Variants in DDAH1 observed in about 807,000 individuals in gnomAD.
DDAH1 encodes the protein dimethylarginine dimethylaminohydrolase 1, also known as N(G),N(G)-dimethylarginine dimethylaminohydrolase 1.
DDAH1 carries 19 observed loss-of-function variants against 28.8 expected under a neutral mutation model. That is an observed-to-expected ratio of 0.66 (90% confidence interval 0.46 to 0.97). The LOEUF is 0.97. DDAH1 is among the 50% of genes least tolerant of loss of function. DDAH1 has a pLI of 0.00. For missense variants in DDAH1, 326 were observed against 375.9 expected (o/e 0.87, Z 1.10); for synonymous variants, 153 against 154.4 (o/e 0.99, Z 0.07).
chr1:85,537,252 T>C (rs1325098646), intron 1 of DDAH1, among the ~76,000 whole-genome samples: 1 of 151,478 alleles, frequency 6.6e-6, no homozygotes, highest in African/African-American at 2.4e-5. Flanking sequence ...GAGGATCACT[T>C]GAGCCTGTGA....
At chr1:85,330,978 G>C (rs1389732528) in intron 4 of DDAH1, among the ~76,000 whole-genome samples, 1 of 152,236 alleles carries the variant, frequency 6.6e-6, no homozygotes, top group East Asian at 1.9e-4. Flanking sequence ...AAGGCACGCA[G>C]CTGTAGGGAG....
chr1:85,367,030 G>A (rs183081134), intron 1 of DDAH1, among the ~76,000 whole-genome samples: 2 of 151,932 alleles, frequency 1.3e-5, no homozygotes, highest in African/African-American at 4.8e-5. Flanking sequence ...ATGCAGTATA[G>A]TAGATTTCAT....
intron 1 of DDAH1, among the ~76,000 whole-genome samples, chr1:85,510,574 G>A (rs919604787): frequency 6.6e-6 from 1 of 152,112 alleles, no homozygotes; most frequent in African/African-American, 2.4e-5. Flanking sequence ...AAAGAGTCAA[G>A]ACCCATCAGG....
intron 1 of DDAH1, among the ~76,000 whole-genome samples, chr1:85,362,983 T>C (rs1306416946): frequency 6.6e-6 from 1 of 152,162 alleles, no homozygotes; most frequent in African/African-American, 2.4e-5. Flanking sequence ...CTCTCCCTAA[T>C]ATAAAACAAA....
At chr1:85,430,876 C>A (rs1183714581) in intron 1 of DDAH1, among the ~76,000 whole-genome samples, 2 of 152,026 alleles carry the variant, frequency 1.3e-5, no homozygotes. Context: ...ATTTGAATAC[C>A]CTTTATTTCT....
At chr1:85,389,613 A>G (rs1651444225) in intron 1 of DDAH1, among the ~76,000 whole-genome samples, 2 of 152,090 alleles carry the variant, frequency 1.3e-5, no homozygotes, top group South Asian at 2.1e-4. Flanking sequence ...TAGAGTCTCT[A>G]CTCTGATGTT....
At chr1:85,321,589 A>C (rs1485790715) in intron 5 of DDAH1, 21 bp from the exon 6 acceptor site, 8 of 1,537,748 alleles carry the variant, frequency 5.2e-6, no homozygotes, top group Admixed American at 1.7e-5. Context: ...AATCAAGGAA[A>C]AGGAAGAAAA....
intron 4 of DDAH1, among the ~76,000 whole-genome samples, chr1:85,339,555 A>G (rs1648340428): frequency 1.3e-5 from 2 of 152,214 alleles, no homozygotes; most frequent in African/African-American, 2.4e-5. Flanking sequence ...GGGCAATGGT[A>G]GTGGGATGGT....
chr1:85,473,770 AT>A (rs1309377698), intron 2 of DDAH1, among the ~76,000 whole-genome samples: 1 of 151,758 alleles, frequency 6.6e-6, no homozygotes, highest in East Asian at 1.9e-4. Flanking sequence ...GCTTTTCCTC[AT>A]TCTTTCCTTT....
intron 1 of DDAH1, among the ~76,000 whole-genome samples, chr1:85,561,949 G>T (rs567815218): frequency 6.6e-6 from 1 of 152,274 alleles, no homozygotes; most frequent in South Asian, 2.1e-4. Context: ...TTCTTTCTAA[G>T]AAGAATTTGC....
chr1:85,525,743 G>A (rs1413906817), intron 1 of DDAH1, among the ~76,000 whole-genome samples: 1 of 152,062 alleles, frequency 6.6e-6, no homozygotes, highest in Non-Finnish European at 1.5e-5. Context: ...ATGTGAACTA[G>A]GGGTCTATCC....
chr1:85,413,265 C>T (rs1377579049), intron 1 of DDAH1, among the ~76,000 whole-genome samples: 1 of 152,196 alleles, frequency 6.6e-6, no homozygotes, highest in Non-Finnish European at 1.5e-5. Flanking sequence ...GGATCCCAGT[C>T]CTATGAACCT....
Position 85,475,133 on chromosome 1 carries a change from T to C in DDAH1, c.-7+21033A>G, listed in dbSNP as rs1345493415. ...CCCTTTGCTCAAATGCTGGCTCCACTACTTACTATCTGTACAATCCTGGTC... is the reference window on the plus strand; with the variant it reads ...CCCTTTGCTCAAATGCTGGCTCCACCACTTACTATCTGTACAATCCTGGTC... On this transcript the variant is annotated intron_variant, in intron 2 of 6. Coordinates refer to the DDAH1 transcript ENST00000426972. Among the ~76,000 whole-genome samples, 8 of 152,254 alleles carry C rather than the reference T, an allele frequency of 5.3e-5. No individual in the cohort carries two copies. In the South Asian group the frequency reaches 1.7e-3, roughly 31 times the overall value.
intron 1 of DDAH1, among the ~76,000 whole-genome samples, chr1:85,451,870 T>C (rs760907419): frequency 9.2e-5 from 14 of 152,194 alleles, no homozygotes; most frequent in Non-Finnish European, 1.9e-4. Flanking sequence ...TATGGCCATT[T>C]TAATAAGTGG....
At position 85,559,577 on chromosome 1, in the gene DDAH1, T is replaced by C. The variant is rs1570674954; in HGVS notation, c.-123+18407A>G. The stretch of plus-strand genomic sequence containing the variant: ...TAGAAGGTAATACCATTAAAACAAC[T>C]ATTATAGCTATGTACTAGTATTTAA... On this transcript the variant is annotated intron_variant, in intron 1 of 6. Coordinates refer to the DDAH1 transcript ENST00000426972. Among the ~76,000 whole-genome samples, 4 of 152,298 alleles carry C rather than the reference T, an allele frequency of 2.6e-5. No individual in the cohort carries two copies. In the South Asian group the frequency reaches 8.3e-4, roughly 32 times the overall value.
chr1:85,491,862 G>A (rs1254861094), intron 2 of DDAH1, among the ~76,000 whole-genome samples: 2 of 152,112 alleles, frequency 1.3e-5, no homozygotes, highest in East Asian at 3.8e-4. Flanking sequence ...TCTGCAGTTT[G>A]CCTGTAATAA....
At chr1:85,520,766 A>G (rs1433859040) in intron 1 of DDAH1, among the ~76,000 whole-genome samples, 1 of 152,228 alleles carries the variant, frequency 6.6e-6, no homozygotes, top group Non-Finnish European at 1.5e-5. Context: ...ATTGGAACAG[A>G]TTTCCTTCTG....
intron 2 of DDAH1, among the ~76,000 whole-genome samples, chr1:85,352,189 G>A (rs544932588): frequency 2.6e-5 from 4 of 152,210 alleles, no homozygotes; most frequent in East Asian, 1.9e-4. Flanking sequence ...CTAGGCCTGC[G>A]TGGGTTTCCT....
At chr1:85,496,948 T>C (rs373302083) in intron 1 of DDAH1, among the ~76,000 whole-genome samples, 2 of 152,322 alleles carry the variant, frequency 1.3e-5, no homozygotes, top group South Asian at 4.1e-4. Context: ...GGCCTTAACA[T>C]TGAGGACATT....
Sources: gnomAD v4.1 joint callset for allele counts (sites outside exome capture counted in the v4.1 genomes callset) on GRCh38, gnomAD v4.1.1 for gene constraint, MANE v1.5 for transcripts, NCBI Gene and HGNC (gene_info 2026-07-23, HGNC 2026-07-21) for gene names.